RYR1: variants seen among roughly 807,000 people sequenced by gnomAD.
RYR1 encodes ryanodine receptor 1.
RYR1 carries 342 observed loss-of-function variants against 583.5 expected under a neutral mutation model. The ratio of observed to expected loss-of-function variants is 0.59; its 90% CI spans 0.54 to 0.64. The LOEUF (loss-of-function observed/expected upper bound fraction) is 0.64. Ranked by LOEUF, RYR1 falls within the 30% of genes least tolerant of loss-of-function variation. The probability of loss-of-function intolerance (pLI) is 0.00; values close to 1 mark genes in which losing one functional copy is unlikely to be tolerated. For missense variants in RYR1, 6,032 were observed against 6,917.2 expected, an observed-to-expected ratio of 0.87 and a Z score of 4.54; for synonymous variants, 2,791 against 2,822.5, an observed-to-expected ratio of 0.99 and a Z score of 0.35.
chr19:38,548,481 C>G, intron 89 of RYR1, 61 bp downstream of exon 89: 5 of 1,530,362 alleles, frequency 3.3e-6, no homozygotes, highest in Non-Finnish European at 3.6e-6. Flanking sequence ...GCCAGCCATA[C>G]CCTTCTGGCT....
At chr19:38,450,609 G>A (rs895029151) in intron 11 of RYR1, among the ~76,000 whole-genome samples, 1 of 152,078 alleles carries the variant, frequency 6.6e-6, no homozygotes, top group Non-Finnish European at 1.5e-5. Context: ...TGGTGGGGAG[G>A]TGGTATCTGA....
At chr19:38,453,044 C>G (rs754793557) in intron 13 of RYR1, 30 bp downstream of exon 13, 19 of 1,601,374 alleles carry the variant, frequency 1.2e-5, no homozygotes, top group Non-Finnish European at 1.4e-5. Flanking sequence ...GGAGCGGGGC[C>G]TGTGGGCCCA....
intron 31 of RYR1, among the ~76,000 whole-genome samples, chr19:38,482,071 CAGAG>C (rs1037670670): frequency 6.6e-6 from 1 of 152,116 alleles, no homozygotes; most frequent in African/African-American, 2.4e-5. Flanking sequence ...GCCTGGATGA[CAGAG>C]TGAGACGTCA....
At chr19:38,549,233 C>A (rs1972559029) in intron 89 of RYR1, among the ~76,000 whole-genome samples, 1 of 152,160 alleles carries the variant, frequency 6.6e-6, no homozygotes, top group African/African-American at 2.4e-5. Flanking sequence ...CATCCTAACT[C>A]TCCATCTTTT....
Position 38,580,122 on chromosome 19 carries a change from G to C in RYR1, c.14505G>C (p.Gly4835=). ...TCCTGTCCTCTGTCACCCACAATGGGAAACAGGTGTGGGGAGGACCTGGCT... is the reference window on the plus strand; with the variant it reads ...TCCTGTCCTCTGTCACCCACAATGGCAAACAGGTGTGGGGAGGACCTGGCT... ...RTILSSVTHN[G]KQLVMTVGLL... Residue 4835 remains glycine (G), a synonymous_variant, in exon 100 of 106, where the codon GGG becomes GGC. Coordinates refer to ENST00000359596, the MANE Select transcript of RYR1 (RefSeq NM_000540.3). The C allele has an allele frequency of 6.2e-7, 1 of 1,614,194 alleles. No individual in the cohort carries two copies. Among genetic ancestry groups the C allele is most frequent in the Non-Finnish European group, 8.5e-7 (1 of 1,180,042 alleles).
At chr19:38,494,317 A>T in intron 38 of RYR1, 35 bp from the exon 39 acceptor site, 1 of 1,610,798 alleles carries the variant, frequency 6.2e-7, no homozygotes, top group Non-Finnish European at 8.5e-7. Flanking sequence ...CCTGCCCTGC[A>T]TGGTGCTCCA....
intron 76 of RYR1, 83 bp from the exon 77 acceptor site, chr19:38,532,407 G>T: frequency 7.2e-7 from 1 of 1,393,622 alleles, no homozygotes; most frequent in Non-Finnish European, 1.0e-6. Flanking sequence ...ACAGGCATGA[G>T]CCACCGCACC....
chr19:38,492,392 CCATG>C, intron 37 of RYR1, 94 bp from the exon 38 acceptor site: 1 of 1,283,272 alleles, frequency 7.8e-7, no homozygotes, highest in Non-Finnish European at 1.1e-6. Flanking sequence ...ATGAAAAACT[CCATG>C]CATGCATGCA....
chr19:38,480,551 A>G (rs1968957403), intron 31 of RYR1, among the ~76,000 whole-genome samples: 1 of 152,180 alleles, frequency 6.6e-6, no homozygotes. Flanking sequence ...GCTTTAAAAG[A>G]TAAGGATGAT....
In RYR1 at chr19:38,577,614, CAG is replaced by C. The variant is rs1321139523; in HGVS notation, c.14173-300_14173-299del. On this transcript the variant is annotated intron_variant, in intron 97 of 105. Coordinates refer to ENST00000359596, the MANE Select transcript of RYR1 (RefSeq NM_000540.3). ...GAGTTCAAGACCAGCCTGACCAACA[CAG>C]AGAAACCCCGTCCCTACTAAAAATA... 2.6e-5 allele frequency among the ~76,000 whole-genome samples: 4 copies of C among 151,946 alleles called. No individual in the cohort carries two copies. The East Asian group carries it at 5.8e-4, about 22-fold the overall frequency.
Position 38,535,329 on chromosome 19 carries a change from A to G in RYR1, c.11453A>G (p.Tyr3818Cys), listed in dbSNP as rs756443580. 3.1e-6 allele frequency: 5 copies of G among 1,614,204 alleles called. No homozygotes were observed. The highest frequency in any genetic ancestry group is 4.2e-6 in the Non-Finnish European group (5 of 1,180,024). ...NAEVQQKMLD[Y>C]LKDKKEVGFF... is the part of the protein sequence containing the mutation. Reference sequence around the variant, plus strand: ...CGCCCTCTGCAGAAAATGCTGGATTATCTTAAGGACAAGAAGGAAGTTGGC... The same window carrying G: ...CGCCCTCTGCAGAAAATGCTGGATTGTCTTAAGGACAAGAAGGAAGTTGGC... Residue 3818 changes from tyrosine to cysteine, a missense_variant, in exon 81 of 106, where the codon TAT becomes TGT. Physicochemically the swap from Tyr to Cys is radical, Grantham distance 194. Around this residue, in one of 11 missense-constraint regions of RYR1, gnomAD observed 1,493 missense variants for 1,715.5 expected, o/e 0.87. Transcript: ENST00000359596.
rs116775180 is a variant in RYR1, at chr19:38,465,980, G to C, written c.2871-111G>C. ...ATAGAACTGCAACATTATATCAAAG[G>C]TCAGAAACGCCGAAGCTGGGACAAG... is the stretch of plus-strand genomic sequence containing the variant. On this transcript the variant is annotated intron_variant, in intron 23 of 105. Coordinates refer to ENST00000359596, the MANE Select transcript of RYR1 (RefSeq NM_000540.3). The C allele has an allele frequency of 6.8e-4, 710 of 1,038,040 alleles. 4 individuals are homozygous for C. In the African/African-American group the frequency reaches 9.9e-3, roughly 15 times the overall value. The allele number at this position is 1,038,040 out of a possible 1,614,324, so 64.3% of individuals were successfully genotyped here. A position where few individuals can be genotyped will look rare whatever the true frequency, so the allele number is the denominator to read the frequency against.
chr19:38,485,910 G>A lies in RYR1; in HGVS notation c.5255G>A (p.Ser1752Asn), dbSNP rs773363892. ...RAITLFPPGRSTENGHPRHGL... is the reference protein window; with the variant it reads ...RAITLFPPGRNTENGHPRHGL... ...ATCACGCTCTTCCCTCCTGGAAGGA[G>A]CACAGAAAATGGTCACCCCCGGCAT... The change falls in exon 34 of 106, where the codon AGC becomes AAC. Residue 1752 changes from serine to asparagine, a missense_variant. Around this residue, in one of 11 missense-constraint regions of RYR1, gnomAD observed 2,627 missense variants for 2,961.3 expected, o/e 0.89. Coordinates refer to ENST00000359596, the MANE Select transcript of RYR1 (RefSeq NM_000540.3). 7 of 1,613,666 alleles carry A rather than the reference G, an allele frequency of 4.3e-6. No individual in the cohort carries two copies. In the Admixed American group the frequency reaches 6.7e-5, roughly 15 times the overall value.
chr19:38,580,182 T>C, intron 100 of RYR1, 54 bp downstream of exon 100: 1 of 1,612,272 alleles, frequency 6.2e-7, no homozygotes, highest in East Asian at 2.2e-5. Flanking sequence ...AGCGTGGCAG[T>C]GGGTGGTGAA....
At chr19:38,571,026 T>G (rs892981953) in intron 94 of RYR1, among the ~76,000 whole-genome samples, 2 of 152,228 alleles carry the variant, frequency 1.3e-5, no homozygotes, top group African/African-American at 4.8e-5. Context: ...ACTGATTCTG[T>G]TAAGCATCTT....
At chr19:38,436,609 T>C (rs965299908) in intron 1 of RYR1, among the ~76,000 whole-genome samples, 10 of 152,342 alleles carry the variant, frequency 6.6e-5, no homozygotes, top group African/African-American at 2.4e-4. Flanking sequence ...TGTGCGACTA[T>C]ACTGTGGTGT....
At chr19:38,526,039 C>T (rs1971453449) in intron 71 of RYR1, among the ~76,000 whole-genome samples, 2 of 152,002 alleles carry the variant, frequency 1.3e-5, no homozygotes, top group African/African-American at 4.8e-5. Context: ...TGAAGCCCAA[C>T]TAAGCCCCCA....
At chr19:38,578,638 A>G (rs1974064301) in intron 99 of RYR1, among the ~76,000 whole-genome samples, 1 of 151,010 alleles carries the variant, frequency 6.6e-6, no homozygotes. Flanking sequence ...TTCAAGACAA[A>G]CCTGGCACTG....
In RYR1 at chr19:38,440,851, C is replaced by A. The variant is rs193922749; in HGVS notation, c.152C>A (p.Thr51Asn). 235 of 1,611,932 alleles carry A rather than the reference C, an allele frequency of 1.5e-4. No homozygotes were observed. The highest frequency in any genetic ancestry group is 1.8e-4 in the Non-Finnish European group (214 of 1,179,698). ...FGNRLCFLEP[T>N]SNAQNVPPDL... ...AACCGCCTGTGCTTCCTGGAGCCCA[C>A]TAGCAACGCGCAGGTCTGTGCAGGA... Residue 51 changes from threonine (T) to asparagine (N), a missense_variant, in exon 2 of 106, where the codon ACT (threonine) becomes AAT (asparagine). This residue lies in a region of RYR1 where 71 missense variants were observed against 75.3 expected (regional missense o/e 0.94). Coordinates refer to ENST00000359596, the MANE Select transcript of RYR1 (RefSeq NM_000540.3).
Sources: gnomAD v4.1 joint callset for allele counts (sites outside exome capture counted in the v4.1 genomes callset) on GRCh38, gnomAD v4.1.1 for gene constraint, gnomAD v4.1.1 regional missense constraint, MANE v1.5 for transcripts, NCBI Gene and HGNC (gene_info 2026-07-23, HGNC 2026-07-21) for gene names.